DPH6: variants seen among roughly 807,000 people sequenced by gnomAD.
DPH6 encodes diphthine--ammonia ligase.
Under a neutral mutation model 38.2 loss-of-function variants are expected in DPH6, and 33 were observed. That is an observed-to-expected ratio of 0.86 (90% CI 0.65 to 1.15). The LOEUF is 1.15. Ranked by LOEUF, DPH6 falls within the 50% of genes most tolerant of loss-of-function variation. The pLI is 0.00. For synonymous variants in DPH6, 108 were observed against 103.0 expected, an observed-to-expected ratio of 1.05 and a Z score of -0.30; for missense variants, 325 against 320.0, an observed-to-expected ratio of 1.02 and a Z score of -0.12.
the DPH6 span, among the ~76,000 whole-genome samples, chr15:35,145,387 C>G: frequency 6.6e-6 from 1 of 152,196 alleles, no homozygotes; most frequent in African/African-American, 2.4e-5. Context: ...TGTGAAGCAA[C>G]TGTCCTAGAA....
At chr15:35,404,571 C>T (rs1415310443) in intron 6 of DPH6, among the ~76,000 whole-genome samples, 3 of 152,074 alleles carry the variant, frequency 2.0e-5, no homozygotes, top group Non-Finnish European at 4.4e-5. Flanking sequence ...TGAATTGGAT[C>T]ATTAGATTTT....
chr15:35,325,687 A>C (rs1284239122), intron 3 of DPH6, among the ~76,000 whole-genome samples: 1 of 152,158 alleles, frequency 6.6e-6, no homozygotes, highest in East Asian at 1.9e-4. Flanking sequence ...GTTTTCTTAA[A>C]GAGGACATTG....
At chr15:35,401,348 GTGC>G in intron 6 of DPH6, 1 of 760,360 alleles carries the variant, frequency 1.3e-6, no homozygotes, top group Non-Finnish European at 2.4e-6. Flanking sequence ...GGCAGCTGTG[GTGC>G]TGATGGGTAT....
chr15:35,388,949 G>T (rs1012836600), intron 6 of DPH6, among the ~76,000 whole-genome samples: 6 of 152,058 alleles, frequency 3.9e-5, no homozygotes, highest in African/African-American at 1.2e-4. Context: ...GTCAAGTTTA[G>T]ATCTTTCCTG....
At position 35,400,524 on chromosome 15, in the gene DPH6, G is replaced by A. The variant is rs62002904; in HGVS notation, c.567+10311C>T. On this transcript the variant is annotated intron_variant, in intron 6 of 8. Coordinates refer to ENST00000256538, the MANE Select transcript of DPH6 (RefSeq NM_080650.4). ...ATGCAAACATACAATCAGAGACATA[G>A]AGGTAAATATCAAAAACAACATGGA... 8.6e-3 allele frequency among the ~76,000 whole-genome samples: 1,312 copies of A among 152,264 alleles called. 10 individuals carry two copies. The highest frequency in any genetic ancestry group is 0.013 in the Non-Finnish European group (874 of 68,020).
At chr15:35,227,778 T>C (rs2051492503) in intron 3 of DPH6, among the ~76,000 whole-genome samples, 2 of 152,078 alleles carry the variant, frequency 1.3e-5, no homozygotes, top group African/African-American at 4.8e-5. Flanking sequence ...AACTTCTCTC[T>C]TAGTACCATT....
chr15:35,149,025 T>A, the DPH6 span, among the ~76,000 whole-genome samples: 6 of 152,146 alleles, frequency 3.9e-5, no homozygotes, highest in Admixed American at 3.3e-4. Flanking sequence ...TCCTGAATCC[T>A]GCTCAGGGAA....
At chr15:35,216,954 C>T (rs965793594), downstream of DPH6, among the ~76,000 whole-genome samples, 18 of 152,134 alleles carry the variant, frequency 1.2e-4, no homozygotes, top group African/African-American at 4.3e-4. Flanking sequence ...AGGAAAGGAC[C>T]TAGGCTGACT....
intron 3 of DPH6, among the ~76,000 whole-genome samples, chr15:35,490,603 G>A (rs966187463): frequency 6.6e-6 from 1 of 152,180 alleles, no homozygotes; most frequent in African/African-American, 2.4e-5. Flanking sequence ...GTCCCTGAGA[G>A]ACTTGAGCAT....
exon 4 of DPH6, chr15:35,219,341 C>CT (rs1196385269): frequency 6.6e-6 from 1 of 152,138 alleles, no homozygotes; most frequent in African/African-American, 2.4e-5. Flanking sequence ...TTATAATTCT[C>CT]TGAGATAAGC....
chr15:35,481,704 A>T (rs1015650077), intron 3 of DPH6, among the ~76,000 whole-genome samples: 9 of 152,118 alleles, frequency 5.9e-5, no homozygotes, highest in Admixed American at 4.6e-4. Flanking sequence ...GAATAATAGA[A>T]GGAGGGAAGT....
chr15:35,278,121 A>G (rs1378988976), intron 3 of DPH6, among the ~76,000 whole-genome samples: 1 of 152,202 alleles, frequency 6.6e-6, no homozygotes, highest in Non-Finnish European at 1.5e-5. Context: ...GCATTTCAGA[A>G]ATCTCTGAGG....
At chr15:35,331,205 A>T (rs1238395968) in intron 3 of DPH6, 1 of 152,236 alleles carries the variant, frequency 6.6e-6, no homozygotes, top group African/African-American at 2.4e-5. Context: ...TGTAGAATGA[A>T]ATGTCAAGTT....
chr15:35,467,177 T>C (rs1174370919), intron 3 of DPH6, among the ~76,000 whole-genome samples: 2 of 152,246 alleles, frequency 1.3e-5, no homozygotes, highest in Non-Finnish European at 2.9e-5. Context: ...CATAAATAAA[T>C]TGTACAAAAT....
intron 3 of DPH6, among the ~76,000 whole-genome samples, chr15:35,307,497 C>T (rs1304550749): frequency 2.0e-5 from 3 of 152,082 alleles, no homozygotes; most frequent in East Asian, 1.9e-4. Context: ...AGTCCCGACC[C>T]TGTTTTTCCT....
the DPH6 span, among the ~76,000 whole-genome samples, chr15:35,171,891 G>A: frequency 6.6e-6 from 1 of 151,394 alleles, no homozygotes; most frequent in African/African-American, 2.4e-5. Flanking sequence ...TTTTCGAGAG[G>A]GAGTTTCACT....
intron 6 of DPH6, among the ~76,000 whole-genome samples, chr15:35,394,862 G>A (rs2053110567): frequency 2.0e-5 from 3 of 152,074 alleles, no homozygotes; most frequent in Non-Finnish European, 4.4e-5. Flanking sequence ...CTTTTCCAGA[G>A]GTAAAAACTA....
At chr15:35,240,430 C>T (rs1272915310) in intron 3 of DPH6, among the ~76,000 whole-genome samples, 1 of 142,326 alleles carries the variant, frequency 7.0e-6, no homozygotes, top group Non-Finnish European at 1.5e-5. Flanking sequence ...TCCTTTTCTA[C>T]AGACCCATCT....
intron 3 of DPH6, chr15:35,237,694 C>T (rs907264866): frequency 1.1e-5 from 17 of 1,613,588 alleles, no homozygotes; most frequent in African/African-American, 2.7e-5. Context: ...TTTTCAATTG[C>T]GAGGTAACCA....
Sources: gnomAD v4.1 joint callset for allele counts (sites outside exome capture counted in the v4.1 genomes callset) on GRCh38, gnomAD v4.1.1 for gene constraint, MANE v1.5 for transcripts, NCBI Gene and HGNC (gene_info 2026-07-23, HGNC 2026-07-21) for gene names.